Variants in PTPRD observed in about 807,000 individuals in gnomAD.
The protein encoded by PTPRD is receptor-type tyrosine-protein phosphatase delta.
PTPRD carries 34 observed loss-of-function variants against 214.5 expected under a neutral mutation model. The ratio of observed to expected loss-of-function variants is 0.16; its 90% CI spans 0.12 to 0.21. PTPRD has a LOEUF of 0.21. Among genes scored for constraint, PTPRD ranks in the 10% least tolerant of loss-of-function variants. The pLI is 1.00. For missense variants in PTPRD, 2,545 were observed against 2,398.7 expected, an observed-to-expected ratio of 1.06 and a Z score of -1.27; for synonymous variants, 1,128 against 845.7, an observed-to-expected ratio of 1.33 and a Z score of -5.79.
At chr9:9,326,460 AG>A (rs1382192842) in intron 9 of PTPRD, among the ~76,000 whole-genome samples, 2 of 151,998 alleles carry the variant, frequency 1.3e-5, no homozygotes, top group Non-Finnish European at 2.9e-5. Context: ...TAGAAAACAG[AG>A]ATTCAGAGAC....
At chr9:8,616,992 C>CAT (rs1409143203) in intron 14 of PTPRD, among the ~76,000 whole-genome samples, 2 of 152,104 alleles carry the variant, frequency 1.3e-5, no homozygotes, top group East Asian at 3.9e-4. Context: ...TATAAAATGG[C>CAT]ATTTATTCGA....
chr9:9,649,988 G>T (rs1444873267), intron 7 of PTPRD, among the ~76,000 whole-genome samples: 1 of 152,138 alleles, frequency 6.6e-6, no homozygotes, highest in Non-Finnish European at 1.5e-5. Context: ...ATGAAAGCAT[G>T]CCAGGGGTAG....
At chr9:10,463,418 C>T (rs1261604295) in intron 2 of PTPRD, among the ~76,000 whole-genome samples, 1 of 151,942 alleles carries the variant, frequency 6.6e-6, no homozygotes, top group East Asian at 1.9e-4. Flanking sequence ...ATATTGAAAA[C>T]ACAGAACACA....
intron 10 of PTPRD, among the ~76,000 whole-genome samples, chr9:9,061,261 A>G (rs1007897436): frequency 6.6e-6 from 1 of 152,242 alleles, no homozygotes; most frequent in Non-Finnish European, 1.5e-5. Context: ...AAGAAAACAG[A>G]CAAAGCATGT....
intron 36 of PTPRD, among the ~76,000 whole-genome samples, chr9:8,398,334 A>C (rs2091680984): frequency 6.6e-6 from 1 of 152,160 alleles, no homozygotes; most frequent in South Asian, 2.1e-4. Context: ...TGTCCGAGCA[A>C]GCTCTGCAGA....
chr9:10,132,638 C>A (rs185884488), intron 3 of PTPRD, among the ~76,000 whole-genome samples: 148 of 152,214 alleles, frequency 9.7e-4, no homozygotes, highest in Middle Eastern at 3.4e-3. Flanking sequence ...ATATCTGGAC[C>A]AATTTGTTGG....
intron 2 of PTPRD, among the ~76,000 whole-genome samples, chr9:10,534,787 T>C (rs972646747): frequency 7.2e-5 from 11 of 152,184 alleles, no homozygotes; most frequent in African/African-American, 2.7e-4. Context: ...AGAGGCACCA[T>C]TTCATTTAAT....
intron 14 of PTPRD, among the ~76,000 whole-genome samples, chr9:8,546,536 T>C (rs1010025290): frequency 2.6e-5 from 4 of 152,070 alleles, no homozygotes; most frequent in Admixed American, 6.5e-5. Flanking sequence ...TCTCACTCTG[T>C]AGTCCAGGCT....
chr9:9,924,331 T>C (rs1306576038), intron 5 of PTPRD, among the ~76,000 whole-genome samples: 4 of 152,014 alleles, frequency 2.6e-5, no homozygotes, highest in Non-Finnish European at 4.4e-5. Flanking sequence ...GAGCTAAACA[T>C]TGCTTTCTCT....
At chr9:9,463,842 C>A (rs2093894479) in intron 8 of PTPRD, among the ~76,000 whole-genome samples, 1 of 152,066 alleles carries the variant, frequency 6.6e-6, no homozygotes. Context: ...TTTGTCTTAT[C>A]TGAGTTCCTT....
chr9:10,367,247 G>A (rs553095396), intron 2 of PTPRD, among the ~76,000 whole-genome samples: 6 of 152,078 alleles, frequency 3.9e-5, no homozygotes, highest in African/African-American at 1.4e-4. Flanking sequence ...AAATTCAATT[G>A]TGCCAAAGCC....
intron 7 of PTPRD, among the ~76,000 whole-genome samples, chr9:9,642,830 C>A (rs2096012066): frequency 6.6e-6 from 1 of 152,086 alleles, no homozygotes; most frequent in African/African-American, 2.4e-5. Context: ...TCATACAAGA[C>A]AATTGGGGCT....
chr9:9,091,873 G>A (rs796097856), intron 10 of PTPRD, among the ~76,000 whole-genome samples: 20 of 152,326 alleles, frequency 1.3e-4, no homozygotes, highest in African/African-American at 4.8e-4. Context: ...TGGGTTTTGT[G>A]TTGAGTGTGG....
chr9:9,863,342 C>A (rs2063207372), intron 5 of PTPRD, among the ~76,000 whole-genome samples: 1 of 152,078 alleles, frequency 6.6e-6, no homozygotes, highest in African/African-American at 2.4e-5. Flanking sequence ...AAGAATGAAT[C>A]TAAGTTTTCT....
chr9:10,034,483 G>A (rs983925143), intron 3 of PTPRD, among the ~76,000 whole-genome samples: 1 of 145,128 alleles, frequency 6.9e-6, no homozygotes, highest in East Asian at 2.0e-4. Flanking sequence ...ATAGGGAAAC[G>A]TGTCATAGGC....
chr9:8,707,749 A>G (rs762469381), intron 12 of PTPRD, among the ~76,000 whole-genome samples: 3 of 152,244 alleles, frequency 2.0e-5, no homozygotes, highest in Non-Finnish European at 4.4e-5. Context: ...CTACTAAAGT[A>G]TAATCTATTA....
intron 3 of PTPRD, among the ~76,000 whole-genome samples, chr9:10,267,302 C>G (rs2094136666): frequency 6.6e-6 from 1 of 151,598 alleles, no homozygotes; most frequent in East Asian, 1.9e-4. Flanking sequence ...AATAGATATA[C>G]AAATTATAGG....
chr9:9,912,873 G>T (rs886373850), intron 5 of PTPRD, among the ~76,000 whole-genome samples: 2 of 152,036 alleles, frequency 1.3e-5, no homozygotes, highest in Non-Finnish European at 2.9e-5. Flanking sequence ...TTCCTCATAG[G>T]AAAGAACATA....
At chr9:10,584,220 AT>A (rs1279806881) in intron 2 of PTPRD, among the ~76,000 whole-genome samples, 2 of 152,084 alleles carry the variant, frequency 1.3e-5, no homozygotes, top group East Asian at 3.9e-4. Context: ...AAAGGCTCTT[AT>A]CTCTTTCTTC....
Sources: allele counts gnomAD v4.1 joint callset (sites outside exome capture counted in the v4.1 genomes callset), GRCh38; gene constraint gnomAD v4.1.1; transcripts MANE v1.5; gene names NCBI Gene and HGNC (gene_info 2026-07-23, HGNC 2026-07-21).